The following CALCRL variants were observed in gnomAD, a reference collection of about 807,000 sequenced individuals.
The protein encoded by CALCRL is calcitonin receptor like receptor.
In CALCRL, 27 loss-of-function variants were observed where a neutral mutation model predicts 60.4. The observed-to-expected ratio is 0.45, with a 90% CI of 0.33 to 0.62. The LOEUF (loss-of-function observed/expected upper bound fraction) is 0.62. Ranked by LOEUF, CALCRL falls within the 20% of genes least tolerant of loss-of-function variation. The pLI is 0.03. For synonymous variants in CALCRL, 190 were observed against 182.6 expected (o/e 1.04, Z -0.33); for missense variants, 424 against 540.7 (o/e 0.78, Z 2.14).
chr2:187,367,716 G>A (rs1259794387), intron 8 of CALCRL, among the ~76,000 whole-genome samples: 1 of 151,986 alleles, frequency 6.6e-6, no homozygotes, highest in Non-Finnish European at 1.5e-5. Flanking sequence ...CTTAGAGAAT[G>A]TTTACAAAAA....
rs180840099 is a variant in CALCRL, at chr2:187,389,841, T to A, written c.-292-2085A>T. ...AACTTTATCTACGAATTTATTGGAA[T>A]GTATGATTATTATTAGTAACGTATC... On this transcript the variant is annotated intron_variant, in intron 1 of 14. Coordinates refer to ENST00000392370, the MANE Select transcript of CALCRL (RefSeq NM_005795.6). Among the ~76,000 whole-genome samples the A allele has an allele frequency of 7.1e-3, 1,074 of 152,266 alleles. 12 individuals are homozygous for A. Among genetic ancestry groups the A allele is most frequent in the South Asian group, 0.01 (50 of 4,828 alleles).
chr2:187,362,012 TC>T (rs965093971), intron 9 of CALCRL, among the ~76,000 whole-genome samples: 1 of 152,004 alleles, frequency 6.6e-6, no homozygotes, highest in Non-Finnish European at 1.5e-5. Flanking sequence ...AATTTCAGCT[TC>T]AACTTTTTAT....
At chr2:187,351,818 G>T in intron 14 of CALCRL, 102 bp downstream of exon 14, 2 of 733,814 alleles carry the variant, frequency 2.7e-6, no homozygotes, top group Non-Finnish European at 4.5e-6. Context: ...ATTTAACATG[G>T]TTGTTCCTGG....
At chr2:187,391,667 C>G (rs1688452323) in intron 1 of CALCRL, among the ~76,000 whole-genome samples, 1 of 151,986 alleles carries the variant, frequency 6.6e-6, no homozygotes, top group Non-Finnish European at 1.5e-5. Flanking sequence ...TGGTTTATTA[C>G]TGGAAATGAG....
chr2:187,395,330 ATGTCACT>A (rs1370504283), intron 1 of CALCRL, among the ~76,000 whole-genome samples: 1 of 152,082 alleles, frequency 6.6e-6, no homozygotes, highest in Admixed American at 6.6e-5. Context: ...TTCTCATTAC[ATGTCACT>A]TGTACTCATC....
chr2:187,432,058 T>C (rs557644237), intron 1 of CALCRL, among the ~76,000 whole-genome samples: 17 of 152,066 alleles, frequency 1.1e-4, no homozygotes, highest in African/African-American at 3.9e-4. Context: ...AGAGAGTCAA[T>C]ATGGTCATAG....
chr2:187,433,432 G>A (rs79457182), intron 1 of CALCRL, among the ~76,000 whole-genome samples: 5,609 of 152,086 alleles, frequency 0.037, 172 homozygotes, highest in South Asian at 0.12. Flanking sequence ...TACAATGTAT[G>A]TGTGAACATG....
At chr2:187,390,771 G>A (rs907245432) in intron 1 of CALCRL, among the ~76,000 whole-genome samples, 17 of 152,240 alleles carry the variant, frequency 1.1e-4, no homozygotes, top group African/African-American at 4.1e-4. Context: ...GTGTAAACTT[G>A]TGTATTCCTA....
chr2:187,435,552 C>G (rs1690598999), intron 1 of CALCRL, among the ~76,000 whole-genome samples: 1 of 152,030 alleles, frequency 6.6e-6, no homozygotes, highest in Non-Finnish European at 1.5e-5. Context: ...ACATAATATT[C>G]TACATACAAG....
intron 1 of CALCRL, chr2:187,415,712 A>T: frequency 1.8e-6 from 1 of 556,778 alleles, no homozygotes; most frequent in Non-Finnish European, 3.3e-6. Flanking sequence ...AGTGACACCC[A>T]CTCTTCCACC....
At position 187,342,905 on chromosome 2, in the gene CALCRL, C is replaced by T. The variant is rs894744074; in HGVS notation, c.*3279G>A. ...TTTCATTTTATATTTGTGTGAGAGC[C>T]ATGAATATGCCCTCTTTAAAAATTA... On this transcript the variant is annotated 3_prime_UTR_variant, in exon 15 of 15. Transcript: ENST00000392370. Among the ~76,000 whole-genome samples, 1 of 151,450 alleles carries T rather than the reference C, an allele frequency of 6.6e-6. No individual in the cohort carries two copies. Among genetic ancestry groups the T allele is most frequent in the African/African-American group, 2.4e-5 (1 of 41,358 alleles).
At chr2:187,371,453 G>A (rs1306931532) in intron 8 of CALCRL, among the ~76,000 whole-genome samples, 1 of 152,028 alleles carries the variant, frequency 6.6e-6, no homozygotes, top group African/African-American at 2.4e-5. Flanking sequence ...CTCAGTCCTT[G>A]TCAAACCTCT....
intron 1 of CALCRL, among the ~76,000 whole-genome samples, chr2:187,407,076 A>G (rs1169950982): frequency 6.6e-6 from 1 of 151,966 alleles, no homozygotes; most frequent in Non-Finnish European, 1.5e-5. Context: ...GCACACTATC[A>G]CACTAGATAA....
chr2:187,429,737 T>TTAAC (rs1236039742), intron 1 of CALCRL, among the ~76,000 whole-genome samples: 1 of 152,200 alleles, frequency 6.6e-6, no homozygotes, highest in African/African-American at 2.4e-5. Context: ...AAGGCAGCCA[T>TTAAC]TAACTTCTCA....
intron 1 of CALCRL, among the ~76,000 whole-genome samples, chr2:187,403,208 G>A (rs1688968852): frequency 6.6e-6 from 1 of 151,892 alleles, no homozygotes; most frequent in Non-Finnish European, 1.5e-5. Flanking sequence ...TATTTTAAAA[G>A]GTTTCGTGTA....
chr2:187,429,770 A>G (rs1052069344), intron 1 of CALCRL, among the ~76,000 whole-genome samples: 2 of 152,232 alleles, frequency 1.3e-5, no homozygotes, highest in African/African-American at 4.8e-5. Context: ...GCAATGCTCT[A>G]CAAGTTCTGT....
chr2:187,383,167 G>A lies in CALCRL; in HGVS notation c.184+6C>T, dbSNP rs765076210. The A allele has an allele frequency of 1.2e-5, 20 of 1,607,328 alleles. No individual in the cohort carries two copies. The South Asian group carries it at 2.0e-4, about 16-fold the overall frequency. On this transcript the variant is annotated splice_donor_region_variant and intron_variant, in intron 5 of 14. Coordinates refer to ENST00000392370, the MANE Select transcript of CALCRL (RefSeq NM_005795.6). ...AATGCATTTACAACTAAGTAGCCAT[G>A]CTTACCTTCTGCTTGTTGAATGGGG...
intron 4 of CALCRL, among the ~76,000 whole-genome samples, chr2:187,385,171 A>G (rs1211599331): frequency 6.6e-6 from 1 of 152,362 alleles, no homozygotes; most frequent in Non-Finnish European, 1.5e-5. Context: ...GAACGGGAGA[A>G]ACATCAATGA....
intron 7 of CALCRL, among the ~76,000 whole-genome samples, chr2:187,379,385 T>C (rs562200185): frequency 2.6e-5 from 4 of 152,232 alleles, no homozygotes; most frequent in African/African-American, 9.6e-5. Context: ...TTCAAACAAA[T>C]GCTACGTGAT....
Sources: allele counts gnomAD v4.1 joint callset (sites outside exome capture counted in the v4.1 genomes callset), GRCh38; gene constraint gnomAD v4.1.1; transcripts MANE v1.5; gene names NCBI Gene and HGNC (gene_info 2026-07-23, HGNC 2026-07-21).